ABCD2: variants seen among roughly 807,000 people sequenced by gnomAD.
The protein encoded by ABCD2 is ATP-binding cassette sub-family D member 2.
A neutral mutation model predicts 70.9 loss-of-function variants in ABCD2; 36 were observed. That is an observed-to-expected ratio of 0.51 (90% confidence interval 0.39 to 0.67). The LOEUF is 0.67. Among genes scored for constraint, ABCD2 ranks in the 30% least tolerant of loss-of-function variants. The pLI, the probability that ABCD2 is intolerant of heterozygous loss-of-function variation, is 0.00. For missense variants in ABCD2, 729 were observed against 890.2 expected (o/e 0.82, Z 2.30); for synonymous variants, 304 against 306.9 (o/e 0.99, Z 0.10).
the ABCD2 span, chr12:39,539,847 GCATTA>G: frequency 6.5e-6 from 1 of 153,850 alleles, no homozygotes; most frequent in Non-Finnish European, 1.5e-5. Flanking sequence ...TATAATAACA[GCATTA>G]TAACACACTG....
rs1941114865 is a variant in ABCD2 at position 39,553,339 on chromosome 12, A to G, written c.*573T>C. On this transcript the variant is annotated 3_prime_UTR_variant, in exon 10 of 10. Transcript: ENST00000308666. Reference sequence around the variant, plus strand: ...AAAATTTAAAAATATGGCATTTTATACATTTTAGCCATGCTTTTTTCTTTC... The same window carrying G: ...AAAATTTAAAAATATGGCATTTTATGCATTTTAGCCATGCTTTTTTCTTTC... 1 of 152,104 alleles carries G rather than the reference A, an allele frequency of 6.6e-6. No individual in the cohort carries two copies. Among genetic ancestry groups the G allele is most frequent in the African/African-American group, 2.4e-5 (1 of 41,462 alleles). The allele number at this position is 152,104 out of a possible 1,614,324, so 9.4% of individuals were successfully genotyped here. A position where few individuals can be genotyped will look rare whatever the true frequency, so the allele number is the denominator to read the frequency against.
At chr12:39,608,603 G>A (rs1486220666) in intron 2 of ABCD2, among the ~76,000 whole-genome samples, 3 of 151,796 alleles carry the variant, frequency 2.0e-5, no homozygotes, top group Non-Finnish European at 4.4e-5. Flanking sequence ...CACAAGAATC[G>A]CTTGAACCCA....
At chr12:39,597,129 AT>A (rs1411871706) in intron 6 of ABCD2, among the ~76,000 whole-genome samples, 1 of 152,156 alleles carries the variant, frequency 6.6e-6, no homozygotes, top group Non-Finnish European at 1.5e-5. Context: ...CTGGAGTATT[AT>A]TTTTAAAAAC....
chr12:39,569,320 GC>G (rs1171528569), intron 9 of ABCD2, among the ~76,000 whole-genome samples: 1 of 152,234 alleles, frequency 6.6e-6, no homozygotes, highest in East Asian at 1.9e-4. Context: ...TGAAGCCTTG[GC>G]AATGGCGGGC....
At chr12:39,588,574 T>G (rs771924668) in intron 6 of ABCD2, among the ~76,000 whole-genome samples, 5 of 152,156 alleles carry the variant, frequency 3.3e-5, no homozygotes, top group Non-Finnish European at 7.4e-5. Context: ...GGGCGTGGAT[T>G]GCCAATACTT....
chr12:39,546,880 T>C (rs1941030519), downstream of ABCD2, among the ~76,000 whole-genome samples: 1 of 151,890 alleles, frequency 6.6e-6, no homozygotes, highest in Non-Finnish European at 1.5e-5. Flanking sequence ...ACCCACTGTG[T>C]CCAGTCAAGG....
intron 9 of ABCD2, among the ~76,000 whole-genome samples, chr12:39,569,295 G>T (rs183601729): frequency 6.6e-6 from 1 of 152,216 alleles, no homozygotes; most frequent in Non-Finnish European, 1.5e-5. Context: ...CTTCCCTGCC[G>T]CTTTGTTTAC....
Position 39,550,713 on chromosome 12 carries a change from C to T in ABCD2, c.*3199G>A, listed in dbSNP as rs1941076313. The T allele has an allele frequency of 6.6e-6, 1 of 151,756 alleles. No homozygotes were observed. Among genetic ancestry groups the T allele is most frequent in the African/African-American group, 2.4e-5 (1 of 41,408 alleles). 9.4% of individuals were successfully genotyped at this position (151,756 alleles called of 1,614,324 possible). ...GCCTAGGCTATGTGAAAGTACTTTT[C>T]ACTTCTAAATGAGGACAATTTTGCC... On this transcript the variant is annotated 3_prime_UTR_variant, in exon 10 of 10. Coordinates refer to ENST00000308666, the MANE Select transcript of ABCD2 (RefSeq NM_005164.4).
rs539645228 is a variant in ABCD2, at chr12:39,573,599, T to C, written c.2003+117A>G. 1.1e-5 allele frequency: 12 copies of C among 1,113,092 alleles called. No individual in the cohort carries two copies. The Admixed American group carries it at 1.9e-4, about 18-fold the overall frequency. The allele number at this position is 1,113,092 out of a possible 1,614,324, so 69.0% of individuals were successfully genotyped here. A position where few individuals can be genotyped will look rare whatever the true frequency, so the allele number is the denominator to read the frequency against. ...CTACTAATGTGCAACTTAAGAGAAA[T>C]ATGGGTAGAAAATAAGTGAAATACC... is the stretch of plus-strand genomic sequence containing the variant. On this transcript the variant is annotated intron_variant, in intron 9 of 9. Transcript: ENST00000308666.
At chr12:39,559,649 T>C (rs1276297957) in intron 9 of ABCD2, among the ~76,000 whole-genome samples, 1 of 151,488 alleles carries the variant, frequency 6.6e-6, no homozygotes, top group East Asian at 1.9e-4. Context: ...AAATAACACA[T>C]AAGGGAGTTC....
chr12:39,587,866 T>C (rs1174424417), intron 6 of ABCD2, among the ~76,000 whole-genome samples: 2 of 152,042 alleles, frequency 1.3e-5, no homozygotes, highest in Non-Finnish European at 2.9e-5. Flanking sequence ...GGGATGGAGG[T>C]GGGGATGAAT....
chr12:39,572,632 T>A (rs756580856), intron 9 of ABCD2, among the ~76,000 whole-genome samples: 7 of 152,206 alleles, frequency 4.6e-5, no homozygotes, highest in Non-Finnish European at 8.8e-5. Flanking sequence ...CTAACAATTT[T>A]AATGTAAACA....
intron 9 of ABCD2, among the ~76,000 whole-genome samples, chr12:39,560,255 G>C (rs901303587): frequency 6.6e-6 from 1 of 152,144 alleles, no homozygotes; most frequent in African/African-American, 2.4e-5. Flanking sequence ...GTGAGAACAT[G>C]TGGTGTTTGG....
chr12:39,617,153 G>A lies in ABCD2; in HGVS notation c.955C>T (p.Leu319Phe), dbSNP rs1426811947. 2 of 1,594,996 alleles carry A rather than the reference G, an allele frequency of 1.3e-6. No individual in the cohort carries two copies. The highest frequency in any genetic ancestry group is 8.5e-7 in the Non-Finnish European group (1 of 1,172,330). ...YRGHKVEMKQ[L>F]QKSYKALADQ... Reference sequence around the variant, plus strand: ...GCTAAAGCTTTGTAACTTTTCTGAAGTTGTTTCATTTCTACCTATAGAGAG... The same window carrying A: ...GCTAAAGCTTTGTAACTTTTCTGAAATTGTTTCATTTCTACCTATAGAGAG... The change falls in exon 2 of 10, where the codon CTT (leucine) becomes TTT (phenylalanine). Residue 319 changes from leucine to phenylalanine, a missense_variant. By Grantham distance (22) the Leu-to-Phe change is conservative. Coordinates refer to ENST00000308666, the MANE Select transcript of ABCD2 (RefSeq NM_005164.4).
chr12:39,563,280 C>G (rs1941287861), intron 9 of ABCD2, among the ~76,000 whole-genome samples: 1 of 152,102 alleles, frequency 6.6e-6, no homozygotes, highest in African/African-American at 2.4e-5. Context: ...AATCTTAGTA[C>G]TTCGGGAGGC....
At position 39,573,741 on chromosome 12, in the gene ABCD2, A is replaced by T. The variant is rs748536241; in HGVS notation, c.1978T>A (p.Ser660Thr). 2.5e-6 allele frequency: 4 copies of T among 1,613,212 alleles called. No individual in the cohort carries two copies. Among genetic ancestry groups the T allele is most frequent in the Non-Finnish European group, 3.4e-6 (4 of 1,179,396 alleles). ...AAKGAGISLL[S>T]ITHRPSLWKY... ...CAAAGAGAAGGTCTGTGTGTTATAGACAGTAAGGAAATTCCAGCCCCTTTT... is the reference window on the plus strand; with the variant it reads ...CAAAGAGAAGGTCTGTGTGTTATAGTCAGTAAGGAAATTCCAGCCCCTTTT... The change falls in exon 9 of 10, where the codon TCT becomes ACT. Residue 660 changes from serine (S) to threonine (T), a missense_variant. Physicochemically the swap from Ser to Thr is moderately conservative, Grantham distance 58. Around this residue, in one of 3 missense-constraint regions of ABCD2, gnomAD observed 289 missense variants for 328.8 expected, o/e 0.88. Transcript: ENST00000308666.
At chr12:39,558,429 G>T (rs566167680) in intron 9 of ABCD2, among the ~76,000 whole-genome samples, 12 of 152,178 alleles carry the variant, frequency 7.9e-5, no homozygotes, top group Non-Finnish European at 1.5e-4. Context: ...GGGCCAGGGC[G>T]AAATGATACA....
chr12:39,536,829 T>G, the ABCD2 span, among the ~76,000 whole-genome samples: 1 of 152,210 alleles, frequency 6.6e-6, no homozygotes, highest in Non-Finnish European at 1.5e-5. Flanking sequence ...ATCACCTTCA[T>G]AAAAAGGACC....
At chr12:39,568,654 G>C (rs1057116324) in intron 9 of ABCD2, among the ~76,000 whole-genome samples, 2 of 152,166 alleles carry the variant, frequency 1.3e-5, no homozygotes. Context: ...ATCCAGCTTT[G>C]TTCCGTTGCT....
Sources: gnomAD v4.1 joint callset for allele counts (sites outside exome capture counted in the v4.1 genomes callset) on GRCh38, gnomAD v4.1.1 for gene constraint, gnomAD v4.1.1 regional missense constraint, MANE v1.5 for transcripts, NCBI Gene and HGNC (gene_info 2026-07-23, HGNC 2026-07-21) for gene names.